MACROD2: variants seen among roughly 807,000 people sequenced by gnomAD.
MACROD2 encodes ADP-ribose glycohydrolase MACROD2.
In MACROD2, 36 loss-of-function variants were observed where a neutral mutation model predicts 70.4. The observed-to-expected ratio is 0.51, with a 90% confidence interval of 0.39 to 0.68. The LOEUF (loss-of-function observed/expected upper bound fraction) is 0.68. MACROD2 is among the 30% of genes least tolerant of loss of function. MACROD2 has a pLI of 0.00. For synonymous variants in MACROD2, 172 were observed against 178.8 expected (o/e 0.96, Z 0.30); for missense variants, 496 against 538.4 (o/e 0.92, Z 0.78).
At chr20:15,317,503 A>G (rs1488053757) in intron 6 of MACROD2, among the ~76,000 whole-genome samples, 1 of 146,238 alleles carries the variant, frequency 6.8e-6, no homozygotes, top group East Asian at 2.0e-4. Flanking sequence ...CTATCTATCT[A>G]TCTATCTATC....
chr20:14,356,498 CTTTTTTTT>C (rs71190132), intron 3 of MACROD2, among the ~76,000 whole-genome samples: 2 of 76,796 alleles, frequency 2.6e-5, no homozygotes, highest in South Asian at 4.4e-4. Flanking sequence ...GATCTACTTT[CTTTTTTTT>C]TTTTTTTTTT....
At chr20:15,598,499 A>G (rs2048775476) in intron 8 of MACROD2, among the ~76,000 whole-genome samples, 1 of 152,166 alleles carries the variant, frequency 6.6e-6, no homozygotes, top group South Asian at 2.1e-4. Flanking sequence ...ACCAGTCTGC[A>G]CTTCTGATCT....
chr20:15,015,954 A>G (rs1004659360), intron 5 of MACROD2, among the ~76,000 whole-genome samples: 1 of 152,200 alleles, frequency 6.6e-6, no homozygotes, highest in African/African-American at 2.4e-5. Context: ...GGTTTAGAAA[A>G]CGGAAGCTTC....
chr20:14,528,581 A>G (rs2085264337), intron 4 of MACROD2, among the ~76,000 whole-genome samples: 2 of 151,320 alleles, frequency 1.3e-5, no homozygotes, highest in Admixed American at 1.3e-4. Flanking sequence ...TTTCCTTCCA[A>G]TGTCCTTTGC....
At chr20:15,976,040 C>A (rs2066301343) in intron 13 of MACROD2, among the ~76,000 whole-genome samples, 2 of 152,160 alleles carry the variant, frequency 1.3e-5, no homozygotes, top group Admixed American at 1.3e-4. Flanking sequence ...ATTTCTTCAA[C>A]ACAAGCATCA....
intron 5 of MACROD2, among the ~76,000 whole-genome samples, chr20:14,704,224 A>T (rs1038633991): frequency 2.6e-5 from 4 of 152,138 alleles, no homozygotes; most frequent in Non-Finnish European, 5.9e-5. Flanking sequence ...TAAATGATCC[A>T]CAGGCCCAAA....
intron 4 of MACROD2, among the ~76,000 whole-genome samples, chr20:14,632,706 T>C (rs1047334968): frequency 6.6e-6 from 1 of 152,200 alleles, no homozygotes; most frequent in Non-Finnish European, 1.5e-5. Flanking sequence ...AAAAGTATAG[T>C]AAACAAAATT....
chr20:15,209,794 C>T (rs961473337), intron 5 of MACROD2, among the ~76,000 whole-genome samples: 3 of 152,122 alleles, frequency 2.0e-5, no homozygotes, highest in African/African-American at 7.2e-5. Flanking sequence ...AAACCTAAGG[C>T]CAAGACATAC....
intron 3 of MACROD2, among the ~76,000 whole-genome samples, chr20:14,113,084 A>G (rs2054472949): frequency 6.6e-6 from 1 of 151,996 alleles, no homozygotes; most frequent in African/African-American, 2.4e-5. Context: ...AGATTTGGCC[A>G]TTTTGATAAG....
intron 6 of MACROD2, among the ~76,000 whole-genome samples, chr20:15,349,562 C>A (rs1337281400): frequency 6.6e-6 from 1 of 151,940 alleles, no homozygotes; most frequent in African/African-American, 2.4e-5. Flanking sequence ...TGAGAACACC[C>A]TGACCAACAT....
chr20:14,608,954 C>G (rs1294443244), intron 4 of MACROD2, among the ~76,000 whole-genome samples: 1 of 152,004 alleles, frequency 6.6e-6, no homozygotes, highest in Non-Finnish European at 1.5e-5. Flanking sequence ...TTAATTCTGT[C>G]CAATGGCAGT....
At chr20:14,465,183 G>T (rs2084428949) in intron 3 of MACROD2, among the ~76,000 whole-genome samples, 1 of 151,978 alleles carries the variant, frequency 6.6e-6, no homozygotes, top group South Asian at 2.1e-4. Context: ...TCTCTTTGTA[G>T]GTCATTCAGG....
chr20:15,236,970 C>T (rs1218559924), intron 6 of MACROD2, among the ~76,000 whole-genome samples: 1 of 152,052 alleles, frequency 6.6e-6, no homozygotes, highest in Admixed American at 6.5e-5. Flanking sequence ...GCACTGCCCT[C>T]TAGGGACCAT....
At chr20:14,913,785 T>G (rs1007966358) in intron 5 of MACROD2, among the ~76,000 whole-genome samples, 1 of 152,168 alleles carries the variant, frequency 6.6e-6, no homozygotes, top group Non-Finnish European at 1.5e-5. Flanking sequence ...CAGACTGTGA[T>G]TTGTAGTATG....
At chr20:14,815,738 G>T (rs1053833942) in intron 5 of MACROD2, among the ~76,000 whole-genome samples, 1 of 151,898 alleles carries the variant, frequency 6.6e-6, no homozygotes, top group African/African-American at 2.4e-5. Flanking sequence ...CTACAAGTTA[G>T]TAAATAAAAT....
intron 3 of MACROD2, among the ~76,000 whole-genome samples, chr20:14,152,428 AT>A (rs5840595): frequency 0.67 from 84,725 of 127,200 alleles, 27,132 homozygotes; most frequent in East Asian, 0.74. Context: ...TCTCCTCTAC[AT>A]TTTTTTTTTT....
At chr20:14,065,777 A>C (rs1351141383) in intron 2 of MACROD2, among the ~76,000 whole-genome samples, 1 of 152,224 alleles carries the variant, frequency 6.6e-6, no homozygotes, top group African/African-American at 2.4e-5. Flanking sequence ...ATGTTTCCAG[A>C]ATCTGTTGCC....
intron 2 of MACROD2, among the ~76,000 whole-genome samples, chr20:14,052,526 A>G (rs2053581160): frequency 6.6e-6 from 1 of 152,090 alleles, no homozygotes; most frequent in Non-Finnish European, 1.5e-5. Context: ...TTTCTCAGGC[A>G]TGAAGATGTT....
At chr20:15,125,081 C>A (rs1041241201) in intron 5 of MACROD2, among the ~76,000 whole-genome samples, 1 of 151,888 alleles carries the variant, frequency 6.6e-6, no homozygotes. Flanking sequence ...CACTATTATA[C>A]CGCTTTTGTG....
Sources: gnomAD v4.1 joint callset for allele counts (sites outside exome capture counted in the v4.1 genomes callset) on GRCh38, gnomAD v4.1.1 for gene constraint, MANE v1.5 for transcripts, NCBI Gene and HGNC (gene_info 2026-07-23, HGNC 2026-07-21) for gene names.